ATP6V1H: variants seen among roughly 807,000 people sequenced by gnomAD.
The protein encoded by ATP6V1H is V-type proton ATPase subunit H.
A neutral mutation model predicts 71.7 loss-of-function variants in ATP6V1H; 39 were observed. The observed-to-expected ratio is 0.54, with a 90% CI of 0.42 to 0.71. The LOEUF (loss-of-function observed/expected upper bound fraction) is 0.71. Ranked by LOEUF, ATP6V1H falls within the 30% of genes least tolerant of loss-of-function variation. The probability of loss-of-function intolerance (pLI) is 0.00; values close to 1 mark genes in which losing one functional copy is unlikely to be tolerated. For synonymous variants in ATP6V1H, 192 were observed against 199.3 expected (o/e 0.96, Z 0.31); for missense variants, 509 against 594.9 (o/e 0.86, Z 1.50).
Position 53,771,661 on chromosome 8 carries a change from A to G in ATP6V1H, c.1049+328T>C, listed in dbSNP as rs1158270642. 2.6e-5 allele frequency among the ~76,000 whole-genome samples: 4 copies of G among 152,248 alleles called. No homozygotes were observed. The East Asian group carries it at 7.7e-4, about 29-fold the overall frequency. On this transcript the variant is annotated intron_variant, in intron 10 of 13. Transcript: ENST00000359530. Reference sequence around the variant, plus strand: ...CTCCATATACAGGCAAACCTCCTCCACTAATTAACAAACTACCTTTGTTGC... The same window carrying G: ...CTCCATATACAGGCAAACCTCCTCCGCTAATTAACAAACTACCTTTGTTGC...
intron 5 of ATP6V1H, among the ~76,000 whole-genome samples, chr8:53,815,692 T>C (rs900105133): frequency 6.6e-6 from 1 of 152,206 alleles, no homozygotes; most frequent in Non-Finnish European, 1.5e-5. Context: ...AATTTATAAA[T>C]ACATTATCTA....
chr8:53,839,997 G>A (rs1038454482), intron 2 of ATP6V1H: 9 of 864,808 alleles, frequency 1.0e-5, no homozygotes, highest in Non-Finnish European at 1.1e-5. Flanking sequence ...CCCACCCAGT[G>A]TGCTGTTTTT....
chr8:53,838,522 T>C (rs1175138940), intron 2 of ATP6V1H, among the ~76,000 whole-genome samples: 3 of 152,208 alleles, frequency 2.0e-5, no homozygotes, highest in Non-Finnish European at 4.4e-5. Flanking sequence ...TAAATATATA[T>C]ACACTTTATA....
At chr8:53,731,638 C>A (rs1024109295) in intron 13 of ATP6V1H, among the ~76,000 whole-genome samples, 4 of 146,792 alleles carry the variant, frequency 2.7e-5, no homozygotes, top group Admixed American at 2.0e-4. Flanking sequence ...TCTCGGGGAG[C>A]TCGGTTTTGG....
rs1156537933 is a variant in ATP6V1H, at chr8:53,814,694, A to T, written c.493T>A (p.Phe165Ile). The T allele has an allele frequency of 6.2e-7, 1 of 1,612,158 alleles. No individual in the cohort carries two copies. Residue 165 changes from phenylalanine (F) to isoleucine (I), a missense_variant, in exon 6 of 14, where the codon TTC (phenylalanine) becomes ATC (isoleucine). Physicochemically the swap from Phe to Ile is conservative, Grantham distance 21 (BLOSUM62 0). This residue lies in a region of ATP6V1H where 297 missense variants were observed against 303.3 expected (regional missense o/e 0.98). Transcript: ENST00000359530. ...CTCAGCTGAGTTTTTATCCAATTGA[A>T]ATAGTAATTTAAGTCACTGCCTTCC... ...LMEGSDLNYY[F>I]NWIKTQLSSQ...
At chr8:53,779,953 G>T (rs926683871) in intron 9 of ATP6V1H, among the ~76,000 whole-genome samples, 1 of 152,028 alleles carries the variant, frequency 6.6e-6, no homozygotes, top group Non-Finnish European at 1.5e-5. Context: ...GAAGGCAGGG[G>T]TTCTAGACCA....
intron 7 of ATP6V1H, among the ~76,000 whole-genome samples, chr8:53,802,778 T>C (rs767984355): frequency 4.6e-5 from 7 of 152,022 alleles, no homozygotes; most frequent in African/African-American, 1.4e-4. Flanking sequence ...TAGACAAACA[T>C]AGGAACTCAA....
chr8:53,720,409 C>T (rs1204090134), intron 13 of ATP6V1H, among the ~76,000 whole-genome samples: 1 of 152,206 alleles, frequency 6.6e-6, no homozygotes, highest in Non-Finnish European at 1.5e-5. Context: ...CCACTTCCCA[C>T]AAGGCACAAG....
intron 13 of ATP6V1H, among the ~76,000 whole-genome samples, chr8:53,728,897 C>G (rs188521487): frequency 3.9e-4 from 59 of 152,358 alleles, no homozygotes; most frequent in South Asian, 1.2e-3. Flanking sequence ...ATTTTCTGTA[C>G]TTGTTGGTCC....
At chr8:53,821,043 AAAAC>A (rs1313475786) in intron 4 of ATP6V1H, among the ~76,000 whole-genome samples, 2 of 148,628 alleles carry the variant, frequency 1.3e-5, no homozygotes, top group African/African-American at 5.1e-5. Flanking sequence ...GAAAGAGAAT[AAAAC>A]AAACAAACTG....
At chr8:53,794,030 C>T (rs2130408295) in intron 9 of ATP6V1H, among the ~76,000 whole-genome samples, 1 of 152,090 alleles carries the variant, frequency 6.6e-6, no homozygotes, top group Middle Eastern at 3.4e-3. Context: ...TCAAAGTGGG[C>T]AAACATATGT....
chr8:53,780,286 G>A (rs1563463038), intron 9 of ATP6V1H, among the ~76,000 whole-genome samples: 1 of 151,844 alleles, frequency 6.6e-6, no homozygotes, highest in Non-Finnish European at 1.5e-5. Context: ...AATTGTCCAA[G>A]ATAATGGCAT....
chr8:53,780,935 T>C (rs1364093208), intron 9 of ATP6V1H, among the ~76,000 whole-genome samples: 3 of 152,228 alleles, frequency 2.0e-5, no homozygotes, highest in Admixed American at 6.5e-5. Context: ...TAATCCAGTC[T>C]ATCATTGTTG....
At chr8:53,820,378 T>C (rs1485384060) in intron 4 of ATP6V1H, among the ~76,000 whole-genome samples, 1 of 151,458 alleles carries the variant, frequency 6.6e-6, no homozygotes, top group African/African-American at 2.4e-5. Flanking sequence ...TTTAGGGTTC[T>C]GCAAGACAAA....
At chr8:53,770,133 C>T (rs1808604298) in intron 10 of ATP6V1H, among the ~76,000 whole-genome samples, 2 of 152,032 alleles carry the variant, frequency 1.3e-5, no homozygotes, top group African/African-American at 4.8e-5. Context: ...TATGTAAAAG[C>T]ATAGTACTTT....
At chr8:53,797,312 A>G (rs532070823) in intron 8 of ATP6V1H, among the ~76,000 whole-genome samples, 1 of 152,338 alleles carries the variant, frequency 6.6e-6, no homozygotes, top group East Asian at 1.9e-4. Flanking sequence ...GCATTACCCC[A>G]GTAACACTCC....
Position 53,782,114 on chromosome 8 carries a change from C to CT in ATP6V1H, c.871-9948dup, listed in dbSNP as rs532828486. On this transcript the variant is annotated intron_variant, in intron 9 of 13. Transcript: ENST00000359530. ...TAGCTTGATGGGGATGGCACTGAATCTATAAATTACCTTGGGCAGTATGGC... is the reference window on the plus strand; with the variant it reads ...TAGCTTGATGGGGATGGCACTGAATCTTATAAATTACCTTGGGCAGTATGGC... Among the ~76,000 whole-genome samples the CT allele has an allele frequency of 1.9e-3, 290 of 152,272 alleles. 1 individual carries two copies. The highest frequency in any genetic ancestry group is 6.7e-3 in the African/African-American group (278 of 41,542).
chr8:53,794,533 T>C (rs1030358878), intron 9 of ATP6V1H, among the ~76,000 whole-genome samples: 3 of 152,092 alleles, frequency 2.0e-5, no homozygotes, highest in African/African-American at 7.2e-5. Context: ...GCCCAGCTAA[T>C]TTTTGTGTTT....
At chr8:53,717,360 G>C (rs1022743962) in intron 13 of ATP6V1H, among the ~76,000 whole-genome samples, 2 of 152,152 alleles carry the variant, frequency 1.3e-5, no homozygotes, top group South Asian at 4.1e-4. Flanking sequence ...GAAGTGTCAC[G>C]CACCACTCCC....
Sources: allele counts gnomAD v4.1 joint callset (sites outside exome capture counted in the v4.1 genomes callset), GRCh38; gene constraint gnomAD v4.1.1; regional missense constraint gnomAD v4.1.1; transcripts MANE v1.5; gene names NCBI Gene and HGNC (gene_info 2026-07-23, HGNC 2026-07-21).